RORA: variants seen among roughly 807,000 people sequenced by gnomAD.
RORA encodes RAR related orphan receptor A.
Under a neutral mutation model 69.5 loss-of-function variants are expected in RORA, and 7 were observed. The observed-to-expected ratio is 0.10, with a 90% CI of 0.06 to 0.19. RORA has a LOEUF of 0.19. RORA is among the 10% of genes least tolerant of loss of function. The probability of loss-of-function intolerance (pLI) is 1.00; values close to 1 mark genes in which losing one functional copy is unlikely to be tolerated. For synonymous variants in RORA, 261 were observed against 240.8 expected, an observed-to-expected ratio of 1.08 and a Z score of -0.78; for missense variants, 457 against 663.0, an observed-to-expected ratio of 0.69 and a Z score of 3.41.
chr15:61,200,547 A>G (rs1402140442), intron 1 of RORA, among the ~76,000 whole-genome samples: 14 of 152,220 alleles, frequency 9.2e-5, no homozygotes, highest in Admixed American at 9.2e-4. Context: ...GGAAAAGGAA[A>G]TAAATACCTA....
At chr15:60,876,817 A>C (rs1162194567) in intron 1 of RORA, among the ~76,000 whole-genome samples, 1 of 152,220 alleles carries the variant, frequency 6.6e-6, no homozygotes, top group Non-Finnish European at 1.5e-5. Flanking sequence ...AGCGAGACAG[A>C]CACCTAGTCA....
intron 2 of RORA, among the ~76,000 whole-genome samples, chr15:60,533,094 G>A (rs1231083420): frequency 6.6e-6 from 1 of 152,110 alleles, no homozygotes; most frequent in African/African-American, 2.4e-5. Flanking sequence ...TGTTGCATTC[G>A]ATACTTAGAG....
intron 1 of RORA, among the ~76,000 whole-genome samples, chr15:60,754,164 T>C (rs1167573418): frequency 2.6e-5 from 4 of 152,242 alleles, no homozygotes. Flanking sequence ...AAATCCATAT[T>C]CACAATATAG....
chr15:61,002,687 G>A (rs758990319), intron 1 of RORA, among the ~76,000 whole-genome samples: 10 of 152,096 alleles, frequency 6.6e-5, no homozygotes, highest in Non-Finnish European at 1.2e-4. Flanking sequence ...AAATCATGCC[G>A]CTTTAGGGTT....
chr15:61,190,581 C>T (rs375335421), intron 1 of RORA, among the ~76,000 whole-genome samples: 77 of 152,098 alleles, frequency 5.1e-4, no homozygotes, highest in African/African-American at 1.7e-3. Context: ...GGCAACATTG[C>T]GAAACCCCAT....
At chr15:60,624,214 C>T (rs2140632679) in intron 2 of RORA, among the ~76,000 whole-genome samples, 1 of 151,486 alleles carries the variant, frequency 6.6e-6, no homozygotes, top group East Asian at 1.9e-4. Flanking sequence ...TCCACCTTTC[C>T]TTCCTTCTTT....
chr15:61,082,402 T>C (rs576249672), intron 1 of RORA, among the ~76,000 whole-genome samples: 25 of 152,260 alleles, frequency 1.6e-4, no homozygotes, highest in African/African-American at 5.5e-4. Context: ...GGCAGGAGAA[T>C]TGCTTGAACC....
intron 1 of RORA, among the ~76,000 whole-genome samples, chr15:60,791,894 A>G (rs1006821500): frequency 2.6e-5 from 4 of 152,154 alleles, no homozygotes; most frequent in Admixed American, 6.5e-5. Context: ...CTATTACCCA[A>G]TCCAAAGTCT....
At chr15:61,085,436 G>A (rs550188565) in intron 1 of RORA, among the ~76,000 whole-genome samples, 2 of 152,288 alleles carry the variant, frequency 1.3e-5, no homozygotes, top group East Asian at 1.9e-4. Flanking sequence ...TGAATCAAGC[G>A]GTACTTCTCA....
At chr15:61,101,351 A>G (rs1278589397) in intron 1 of RORA, among the ~76,000 whole-genome samples, 1 of 152,176 alleles carries the variant, frequency 6.6e-6, no homozygotes, top group Non-Finnish European at 1.5e-5. Context: ...AGAGACTGAA[A>G]AAAAGGCTTG....
At chr15:60,954,992 G>C (rs1008680216) in intron 1 of RORA, among the ~76,000 whole-genome samples, 1 of 152,134 alleles carries the variant, frequency 6.6e-6, no homozygotes, top group African/African-American at 2.4e-5. Context: ...ATTAACATGG[G>C]TTTTGTATCT....
At chr15:60,946,187 G>C (rs1003376536) in intron 1 of RORA, among the ~76,000 whole-genome samples, 2 of 152,176 alleles carry the variant, frequency 1.3e-5, no homozygotes, top group Non-Finnish European at 2.9e-5. Context: ...TGTCCCATGG[G>C]AGAGCAGCTG....
chr15:60,827,253 A>T (rs575290593), intron 1 of RORA, among the ~76,000 whole-genome samples: 1 of 152,314 alleles, frequency 6.6e-6, no homozygotes, highest in Admixed American at 6.5e-5. Context: ...GCTAAAATAC[A>T]CATATATTAC....
chr15:61,069,987 C>T (rs2078318075), intron 1 of RORA, among the ~76,000 whole-genome samples: 1 of 152,134 alleles, frequency 6.6e-6, no homozygotes, highest in African/African-American at 2.4e-5. Flanking sequence ...GAGAAAACAC[C>T]ATCGTTTGAT....
chr15:61,053,571 C>G (rs571783099), intron 1 of RORA, among the ~76,000 whole-genome samples: 3 of 152,052 alleles, frequency 2.0e-5, no homozygotes, highest in Admixed American at 2.0e-4. Context: ...CCTGGTCCCT[C>G]CTGGACCTGG....
chr15:60,505,553 C>T lies in RORA; in HGVS notation c.897G>A (p.Thr299=), dbSNP rs145393534. Residue 299 remains threonine, a synonymous_variant, in exon 6 of 11, where the codon ACG becomes ACA. Coordinates refer to ENST00000335670, the MANE Select transcript of RORA (RefSeq NM_134261.3). ...QYLREELQQI[T]WQTFLQEEIE... ...TTTCTTCCTGTAAAAAGGTCTGCCA[C>T]GTTATCTGCTGGAGCTCTTCTCTCA... 6.8e-5 allele frequency: 109 copies of T among 1,613,918 alleles called. No homozygotes were observed. The highest frequency in any genetic ancestry group is 3.0e-4 in the South Asian group (27 of 91,070).
chr15:61,057,721 G>A (rs8037669), intron 1 of RORA, among the ~76,000 whole-genome samples: 49,522 of 151,992 alleles, frequency 0.33, 8,266 homozygotes, highest in Non-Finnish European at 0.36. Context: ...ATGGAAAAGT[G>A]CTAGCCTTTG....
At chr15:61,060,690 C>T (rs576449422) in intron 1 of RORA, among the ~76,000 whole-genome samples, 6 of 152,162 alleles carry the variant, frequency 3.9e-5, no homozygotes, top group African/African-American at 9.7e-5. Context: ...AGCCACCTCA[C>T]TCTTTCTAGT....
At chr15:61,113,562 G>A (rs572235357) in intron 1 of RORA, among the ~76,000 whole-genome samples, 5 of 152,286 alleles carry the variant, frequency 3.3e-5, no homozygotes, top group African/African-American at 9.6e-5. Context: ...ACAGCTCTTC[G>A]TAAACCAGGT....
Sources: gnomAD v4.1 joint callset for allele counts (sites outside exome capture counted in the v4.1 genomes callset) on GRCh38, gnomAD v4.1.1 for gene constraint, MANE v1.5 for transcripts, NCBI Gene and HGNC (gene_info 2026-07-23, HGNC 2026-07-21) for gene names.